The following CACTIN variants were observed in gnomAD, a reference collection of about 807,000 sequenced individuals.
CACTIN encodes cactin, spliceosome C complex subunit, also known as splicing factor Cactin.
CACTIN carries 20 observed loss-of-function variants against 84.9 expected under a neutral mutation model. The observed-to-expected ratio is 0.24, with a 90% CI of 0.17 to 0.34. The LOEUF is 0.34. Ranked by LOEUF, CACTIN falls within the 10% of genes least tolerant of loss-of-function variation. CACTIN has a pLI of 1.00. For missense variants in CACTIN, 897 were observed against 1,117.2 expected (o/e 0.80, Z 2.81); for synonymous variants, 549 against 467.9 (o/e 1.17, Z -2.24).
Position 3,624,617 on chromosome 19 carries a change from G to A in CACTIN, c.168-455C>T, listed in dbSNP as rs554440424. On this transcript the variant is annotated intron_variant, in intron 1 of 9. Transcript: ENST00000429344. ...AAGGAGGCTGTATGGCTGAGACAGAGTGTGGGGGAGAGGGAGGAGGCGCGG... is the reference window on the plus strand; with the variant it reads ...AAGGAGGCTGTATGGCTGAGACAGAATGTGGGGGAGAGGGAGGAGGCGCGG... Among the ~76,000 whole-genome samples, 7 of 152,282 alleles carry A rather than the reference G, an allele frequency of 4.6e-5. No homozygotes were observed. In the East Asian group the frequency reaches 1.3e-3, roughly 29 times the overall value.
intron 2 of CACTIN, among the ~76,000 whole-genome samples, chr19:3,622,893 G>A (rs1464562249): frequency 6.6e-6 from 1 of 152,180 alleles, no homozygotes; most frequent in Non-Finnish European, 1.5e-5. Context: ...GGTGTTCGGG[G>A]CAAAGAATGG....
rs770494441 is a variant in CACTIN at position 3,613,245 on chromosome 19, G to GCCCTCA, written c.1593_1598dup (p.Gly537_Glu538dup). 22 of 1,609,494 alleles carry GCCCTCA rather than the reference G, an allele frequency of 1.4e-5. No homozygotes were observed. The highest frequency in any genetic ancestry group is 1.6e-5 in the Non-Finnish European group (19 of 1,178,366). On this transcript the variant is annotated inframe_insertion, in exon 9 of 10. Coordinates refer to ENST00000429344, the MANE Select transcript of CACTIN (RefSeq NM_001080543.2). ...TGAGCACCGCCTCGCCCTCGCCCTC[G>GCCCTCA]CCCTCACCGTCCCCGTCGCCGTCGC...
chr19:3,613,632 C>A, intron 7 of CACTIN, 46 bp from the exon 8 acceptor site: 1 of 1,560,918 alleles, frequency 6.4e-7, no homozygotes, highest in Non-Finnish European at 8.6e-7. Flanking sequence ...GAAGGGGCTC[C>A]GCGCCCCACC....
At chr19:3,616,141 C>CA (rs571275348) in intron 6 of CACTIN, 1 of 152,258 alleles carries the variant, frequency 6.6e-6, no homozygotes, top group African/African-American at 2.4e-5. Flanking sequence ...GCTGGGGGTG[C>CA]AGGCCAAGGG....
intron 6 of CACTIN, among the ~76,000 whole-genome samples, chr19:3,617,540 G>A (rs2033128937): frequency 6.6e-6 from 1 of 152,230 alleles, no homozygotes; most frequent in Non-Finnish European, 1.5e-5. Context: ...GAGAGGCCGG[G>A]GCCTAGGGCA....
At chr19:3,620,300 G>T (rs200257397) in intron 3 of CACTIN, 28 bp from the exon 4 acceptor site, 1 of 1,545,234 alleles carries the variant, frequency 6.5e-7, no homozygotes, top group Non-Finnish European at 8.7e-7. Context: ...TGAGGGCAGC[G>T]GGGACCGTGC....
rs763853426 is a variant in CACTIN at position 3,611,959 on chromosome 19, C to T, written c.2241G>A (p.Leu747=). The T allele has an allele frequency of 1.2e-6, 2 of 1,613,466 alleles. No individual in the cohort carries two copies. Among genetic ancestry groups the T allele is most frequent in the African/African-American group, 1.3e-5 (1 of 74,956 alleles). The change falls in exon 10 of 10, where the codon CTG becomes CTA. Residue 747 remains leucine (L), a synonymous_variant. Transcript: ENST00000429344. ...RCQFANGIFQ[L]WFHFKRYRYR... is the part of the protein sequence containing the mutation. ...AGCGGTAGCGCTTGAAGTGAAACCA[C>T]AGCTGGAAGATGCCGTTGGCAAACT... is the stretch of plus-strand genomic sequence containing the variant.
chr19:3,613,354 T>A lies in CACTIN; in HGVS notation c.1490A>T (p.Glu497Val). 1 of 1,512,510 alleles carries A rather than the reference T, an allele frequency of 6.6e-7. No homozygotes were observed. The highest frequency in any genetic ancestry group is 8.8e-7 in the Non-Finnish European group (1 of 1,136,048). The allele number at this position is 1,512,510 out of a possible 1,614,324, so 93.7% of individuals were successfully genotyped here. A position where few individuals can be genotyped will look rare whatever the true frequency, so the allele number is the denominator to read the frequency against. ...CCCGGGCGGGGTGGGCGCCGCGTCC[T>A]CAGGCTCCAGGCTGGGAGGAGAGAG... ...PQSPSRSLEP[E>V]DAAPTPPGPS... The change falls in exon 9 of 10, where the codon GAG (glutamate) becomes GTG (valine). Residue 497 changes from glutamate (E) to valine (V), a missense_variant. By Grantham distance (121) the Glu-to-Val change is moderately radical. Transcript: ENST00000429344.
chr19:3,626,149 G>A (rs762607360), intron 1 of CACTIN, among the ~76,000 whole-genome samples: 1 of 151,672 alleles, frequency 6.6e-6, no homozygotes, highest in African/African-American at 2.4e-5. Flanking sequence ...CAATTGTGCC[G>A]TCCTACTCTG....
intron 4 of CACTIN, among the ~76,000 whole-genome samples, chr19:3,619,842 A>G (rs1210565652): frequency 1.3e-5 from 2 of 152,016 alleles, no homozygotes; most frequent in East Asian, 3.9e-4. Context: ...TGGGGGTGCC[A>G]CCCTCCTGGG....
chr19:3,624,493 G>A (rs2033293868), intron 1 of CACTIN, among the ~76,000 whole-genome samples: 3 of 152,132 alleles, frequency 2.0e-5, no homozygotes, highest in African/African-American at 4.8e-5. Flanking sequence ...GGAGGGAGTG[G>A]GGAGGCAGCG....
At chr19:3,625,476 T>A (rs1472093158) in intron 1 of CACTIN, among the ~76,000 whole-genome samples, 1 of 152,082 alleles carries the variant, frequency 6.6e-6, no homozygotes, top group Non-Finnish European at 1.5e-5. Flanking sequence ...ACGCCTGTAA[T>A]CCCAGCACTT....
chr19:3,620,015 A>G, intron 4 of CACTIN, 112 bp downstream of exon 4: 1 of 1,273,934 alleles, frequency 7.8e-7, no homozygotes, highest in African/African-American at 1.5e-5. Context: ...AGGTCCCAGG[A>G]AGTGCCGTGT....
chr19:3,623,920 T>C lies in CACTIN; in HGVS notation c.410A>G (p.Gln137Arg), dbSNP rs1331844932. ...CCGCAGCCGCTCCTGCAGGCTCTGC[T>C]GCTGGCTCAGGGCAGCCGCGGCCGC... ...PRAAAAALSQ[Q>R]QSLQERLRLR... The change falls in exon 2 of 10, where the codon CAG becomes CGG. Residue 137 changes from glutamine to arginine, a missense_variant. Transcript: ENST00000429344. The C allele has an allele frequency of 1.9e-6, 3 of 1,606,012 alleles. No homozygotes were observed. In the African/African-American group the frequency reaches 4.0e-5, roughly 21 times the overall value.
intron 9 of CACTIN, chr19:3,612,659 T>C: frequency 2.8e-6 from 2 of 719,996 alleles, no homozygotes; most frequent in South Asian, 3.0e-5. Context: ...GCAGCGCGCT[T>C]CCCCGCCGAG....
intron 1 of CACTIN, among the ~76,000 whole-genome samples, chr19:3,625,404 A>G (rs148322406): frequency 1.3e-5 from 2 of 152,300 alleles, no homozygotes; most frequent in Non-Finnish European, 2.9e-5. Flanking sequence ...AATACCAGAA[A>G]ATGGTAGGCG....
chr19:3,611,504 G>A lies in CACTIN; in HGVS notation c.*419C>T. The A allele has an allele frequency of 2.7e-6, 1 of 368,094 alleles. No individual in the cohort carries two copies. The highest frequency in any genetic ancestry group is 2.0e-5 in the South Asian group (1 of 48,794). The allele number at this position is 368,094 out of a possible 1,614,324, so 22.8% of individuals were successfully genotyped here. On this transcript the variant is annotated 3_prime_UTR_variant, in exon 10 of 10. Coordinates refer to ENST00000429344, the MANE Select transcript of CACTIN (RefSeq NM_001080543.2). ...CTTCTCACGAGCCTGGCACCGCCAA[G>A]CCCAGGCCCCTCTGGCCCATCTCCA...
At chr19:3,613,928 A>C in intron 7 of CACTIN, 1 of 430,250 alleles carries the variant, frequency 2.3e-6, no homozygotes, top group Non-Finnish European at 4.2e-6. Flanking sequence ...ACATTTACAA[A>C]TTAGCAGAGG....
intron 1 of CACTIN, among the ~76,000 whole-genome samples, chr19:3,625,713 C>T (rs890023920): frequency 6.6e-6 from 1 of 152,214 alleles, no homozygotes; most frequent in Non-Finnish European, 1.5e-5. Context: ...GGCGACAGAG[C>T]AAGACTCCGT....
Sources: allele counts gnomAD v4.1 joint callset (sites outside exome capture counted in the v4.1 genomes callset), GRCh38; gene constraint gnomAD v4.1.1; transcripts MANE v1.5; gene names NCBI Gene and HGNC (gene_info 2026-07-23, HGNC 2026-07-21).